The following CHN2 variants were observed in gnomAD, a reference collection of about 807,000 sequenced individuals.
The protein encoded by CHN2 is beta-chimaerin.
In CHN2, 35 loss-of-function variants were observed where a neutral mutation model predicts 56.3. That is an observed-to-expected ratio of 0.62 (90% CI 0.47 to 0.82). The LOEUF (loss-of-function observed/expected upper bound fraction) is 0.82, where lower values mean the gene tolerates loss of function less well. Ranked by LOEUF, CHN2 falls within the 40% of genes least tolerant of loss-of-function variation. The pLI, the probability that CHN2 is intolerant of heterozygous loss-of-function variation, is 0.00. For synonymous variants in CHN2, 210 were observed against 212.8 expected, an observed-to-expected ratio of 0.99 and a Z score of 0.12; for missense variants, 491 against 580.5, an observed-to-expected ratio of 0.85 and a Z score of 1.58.
At chr7:29,212,531 A>G (rs1785031933) in intron 1 of CHN2, 1 of 1,522,894 alleles carries the variant, frequency 6.6e-7, no homozygotes, top group South Asian at 1.1e-5. Context: ...CAAACAACCC[A>G]TTGCTGCAGA....
At chr7:29,373,474 C>T (rs554999505) in intron 3 of CHN2, among the ~76,000 whole-genome samples, 8 of 150,970 alleles carry the variant, frequency 5.3e-5, no homozygotes, top group South Asian at 2.1e-4. Context: ...CACGCCCGGC[C>T]GGCAGTGGCC....
chr7:29,455,602 T>A (rs192852701), intron 6 of CHN2, among the ~76,000 whole-genome samples: 1 of 152,156 alleles, frequency 6.6e-6, no homozygotes, highest in Non-Finnish European at 1.5e-5. Context: ...TTTTCAGATA[T>A]CCATCTTACA....
chr7:29,486,875 T>A (rs1312342631), intron 7 of CHN2, among the ~76,000 whole-genome samples: 1 of 152,190 alleles, frequency 6.6e-6, no homozygotes, highest in Non-Finnish European at 1.5e-5. Flanking sequence ...CAGTTTGGAT[T>A]TGAGGCTCCT....
chr7:29,248,377 A>G (rs890839303), intron 1 of CHN2, among the ~76,000 whole-genome samples: 17 of 152,286 alleles, frequency 1.1e-4, no homozygotes, highest in African/African-American at 3.9e-4. Flanking sequence ...CCTCCAGCTC[A>G]TTAACCAAGT....
chr7:29,210,889 A>T (rs1398042302), intron 1 of CHN2, among the ~76,000 whole-genome samples: 1 of 151,952 alleles, frequency 6.6e-6, no homozygotes, highest in Non-Finnish European at 1.5e-5. Flanking sequence ...TGTTCCAGGA[A>T]CAGAAACAAG....
intron 1 of CHN2, chr7:29,213,128 T>G: frequency 1.3e-6 from 2 of 1,573,326 alleles, no homozygotes; most frequent in Non-Finnish European, 1.7e-6. Context: ...CTTAATGTAA[T>G]AAGCAAATGA....
At chr7:29,484,019 G>C (rs957792309) in intron 7 of CHN2, 1 of 567,224 alleles carries the variant, frequency 1.8e-6, no homozygotes, top group African/African-American at 1.9e-5. Context: ...ATCTTTTTGT[G>C]CCTCTCACTT....
At chr7:29,252,590 T>C (rs1280563970) in intron 1 of CHN2, among the ~76,000 whole-genome samples, 1 of 31,956 alleles carries the variant, frequency 3.1e-5, no homozygotes, top group Non-Finnish European at 5.3e-5. Flanking sequence ...TTTTTTTTTT[T>C]TTTTTTTTTT....
chr7:29,381,458 G>A (rs954722898), intron 3 of CHN2, among the ~76,000 whole-genome samples: 27 of 152,154 alleles, frequency 1.8e-4, no homozygotes, highest in African/African-American at 6.0e-4. Flanking sequence ...AGAAGATGTA[G>A]CAAAGAAGAG....
intron 6 of CHN2, among the ~76,000 whole-genome samples, chr7:29,473,482 T>TGTGTGTTTG (rs1554299029): frequency 4.2e-5 from 5 of 118,166 alleles, no homozygotes; most frequent in Admixed American, 8.7e-5. Flanking sequence ...TTTTTTTTTT[T>TGTGTGTTTG]TGTGTGTGTG....
intron 1 of CHN2, chr7:29,334,399 A>C (rs1301354416): frequency 2.6e-5 from 4 of 152,180 alleles, no homozygotes; most frequent in African/African-American, 4.8e-5. Context: ...AAGTCATGGC[A>C]ATTTGACATC....
At chr7:29,342,024 C>T (rs1453716803) in intron 1 of CHN2, among the ~76,000 whole-genome samples, 12 of 152,328 alleles carry the variant, frequency 7.9e-5, no homozygotes, top group East Asian at 1.9e-4. Context: ...TCTTTCAGAA[C>T]GCTTTTTGTA....
chr7:29,252,601 T>G (rs13222701), intron 1 of CHN2, among the ~76,000 whole-genome samples: 14 of 45,244 alleles, frequency 3.1e-4, no homozygotes, highest in South Asian at 7.5e-4. Flanking sequence ...TTTTTTTTTT[T>G]TTTTTGAGAC....
At chr7:29,147,921 A>C (rs1034592349) in intron 2 of CHN2, among the ~76,000 whole-genome samples, 2 of 152,244 alleles carry the variant, frequency 1.3e-5, no homozygotes, top group Admixed American at 1.3e-4. Context: ...GATGATCTGC[A>C]CTTAAATATG....
chr7:29,265,400 T>G (rs1447682658), intron 1 of CHN2, among the ~76,000 whole-genome samples: 2 of 152,170 alleles, frequency 1.3e-5, no homozygotes, highest in African/African-American at 4.8e-5. Context: ...CCAAACCCAC[T>G]CTCTTGAAAC....
At chr7:29,322,856 G>A (rs186538210) in intron 1 of CHN2, among the ~76,000 whole-genome samples, 168 of 152,234 alleles carry the variant, frequency 1.1e-3, no homozygotes, top group African/African-American at 4.0e-3. Flanking sequence ...AGCAACTTTT[G>A]GAGACCACTA....
chr7:29,259,242 T>G (rs977428588), intron 1 of CHN2, among the ~76,000 whole-genome samples: 15 of 151,868 alleles, frequency 9.9e-5, no homozygotes, highest in African/African-American at 3.6e-4. Flanking sequence ...GTGGGAGAAT[T>G]ACTTGAGCCT....
intron 7 of CHN2, among the ~76,000 whole-genome samples, chr7:29,493,979 T>C (rs961983915): frequency 6.6e-6 from 1 of 152,212 alleles, no homozygotes; most frequent in Non-Finnish European, 1.5e-5. Context: ...ACTTTTCCTA[T>C]CCTACCTTCA....
intron 3 of CHN2, among the ~76,000 whole-genome samples, chr7:29,384,087 G>A (rs137992971): frequency 1.8e-4 from 27 of 152,286 alleles, no homozygotes; most frequent in African/African-American, 6.5e-4. Flanking sequence ...TGATACGCTG[G>A]ATGGTAGCAT....
Sources: gnomAD v4.1 joint callset for allele counts (sites outside exome capture counted in the v4.1 genomes callset) on GRCh38, gnomAD v4.1.1 for gene constraint, MANE v1.5 for transcripts, NCBI Gene and HGNC (gene_info 2026-07-23, HGNC 2026-07-21) for gene names.